The following SLC15A5 variants were observed in gnomAD, a reference collection of about 807,000 sequenced individuals.
SLC15A5 encodes Peptide/histidine transporter ENSP00000340402.
SLC15A5 carries 58 observed loss-of-function variants against 56.1 expected under a neutral mutation model. The ratio of observed to expected loss-of-function variants is 1.03; its 90% CI spans 0.84 to 1.29. SLC15A5 has a LOEUF of 1.29. Ranked by LOEUF, SLC15A5 falls within the 50% of genes most tolerant of loss-of-function variation. The pLI, the probability that SLC15A5 is intolerant of heterozygous loss-of-function variation, is 0.00. For synonymous variants in SLC15A5, 264 were observed against 250.5 expected, an observed-to-expected ratio of 1.05 and a Z score of -0.51; for missense variants, 681 against 672.1, an observed-to-expected ratio of 1.01 and a Z score of -0.15.
At chr12:16,223,321 A>G (rs562433477) in intron 6 of SLC15A5, among the ~76,000 whole-genome samples, 13 of 152,278 alleles carry the variant, frequency 8.5e-5, no homozygotes, top group Non-Finnish European at 1.3e-4. Context: ...GAAGTTATAA[A>G]AATATTATCC....
chr12:16,241,454 C>T (rs973986775), intron 4 of SLC15A5, among the ~76,000 whole-genome samples: 20 of 152,344 alleles, frequency 1.3e-4, no homozygotes, highest in South Asian at 6.2e-4. Context: ...GCCATGTTAA[C>T]TGCGCAAACA....
At chr12:16,248,578 C>A (rs1190370150) in intron 3 of SLC15A5, among the ~76,000 whole-genome samples, 1 of 152,086 alleles carries the variant, frequency 6.6e-6, no homozygotes, top group Admixed American at 6.6e-5. Flanking sequence ...AATCTGTCTA[C>A]CCAAAGGGAG....
At position 16,235,481 on chromosome 12, in the gene SLC15A5, G is replaced by T. The variant is rs951399286; in HGVS notation, c.1162+4200C>A. Among the ~76,000 whole-genome samples the T allele has an allele frequency of 3.3e-5, 5 of 151,754 alleles. No homozygotes were observed. The highest frequency in any genetic ancestry group is 4.8e-5 in the African/African-American group (2 of 41,352). On this transcript the variant is annotated intron_variant, in intron 5 of 8. Coordinates refer to ENST00000344941, the MANE Select transcript of SLC15A5 (RefSeq NM_001170798.1). The surrounding 1 kb of genome is among the most constrained non-coding windows in gnomAD (Gnocchi z 4.1). ...AAATATGCAAATGTATCTCTATAAG[G>T]CATCAGTTATTTGCTTCAGATTGCA... is the stretch of plus-strand genomic sequence containing the variant.
intron 5 of SLC15A5, among the ~76,000 whole-genome samples, chr12:16,231,117 T>A (rs1864293485): frequency 6.6e-6 from 1 of 152,182 alleles, no homozygotes; most frequent in Admixed American, 6.5e-5. Flanking sequence ...AGATAGTGCA[T>A]AATGGTGCAA....
At position 16,196,392 on chromosome 12, in the gene SLC15A5, ATGTG is replaced by A. The variant is rs140194923; in HGVS notation, c.1484-1943_1484-1940del. Among the ~76,000 whole-genome samples the A allele has an allele frequency of 6.6e-6, 1 of 151,206 alleles. No individual in the cohort carries two copies. Among genetic ancestry groups the A allele is most frequent in the Non-Finnish European group, 1.5e-5 (1 of 67,670 alleles). ...TATATGTGTGCTTTTGTGTGTGTGC[ATGTG>A]TGTGTGTGTGCCCGTGCATGTGTGC... On this transcript the variant is annotated intron_variant, in intron 7 of 8. Coordinates refer to ENST00000344941, the MANE Select transcript of SLC15A5 (RefSeq NM_001170798.1). This position sits in a 1 kb window ranked among gnomAD's most constrained non-coding sequence, Gnocchi z 4.0.
chr12:16,223,726 T>A (rs1229884711), intron 6 of SLC15A5, among the ~76,000 whole-genome samples: 2 of 152,072 alleles, frequency 1.3e-5, no homozygotes, highest in Non-Finnish European at 2.9e-5. Context: ...ATGAGCTTTT[T>A]TTTTTTTTGA....
intron 7 of SLC15A5, among the ~76,000 whole-genome samples, chr12:16,203,298 T>G (rs550737880): frequency 6.6e-6 from 1 of 152,250 alleles, no homozygotes; most frequent in Admixed American, 6.5e-5. Context: ...AAAAGAGAGA[T>G]ATTAGGCATT....
intron 7 of SLC15A5, among the ~76,000 whole-genome samples, chr12:16,210,727 C>G (rs1326894651): frequency 6.6e-6 from 1 of 152,132 alleles, no homozygotes; most frequent in African/African-American, 2.4e-5. Flanking sequence ...GAATTGAATT[C>G]AGGTTCATCT....
intron 5 of SLC15A5, among the ~76,000 whole-genome samples, chr12:16,232,961 G>T (rs901152362): frequency 7.6e-6 from 1 of 130,768 alleles, no homozygotes; most frequent in South Asian, 2.9e-4. Context: ...AAGAAAGAAG[G>T]AAAGAAAGAA....
At chr12:16,209,124 T>C (rs1294879616) in intron 7 of SLC15A5, among the ~76,000 whole-genome samples, 1 of 152,078 alleles carries the variant, frequency 6.6e-6, no homozygotes, top group Non-Finnish European at 1.5e-5. Flanking sequence ...GATCATAGTG[T>C]TGCTAAATTT....
intron 4 of SLC15A5, among the ~76,000 whole-genome samples, chr12:16,240,257 G>A (rs1864400217): frequency 2.0e-5 from 3 of 152,006 alleles, no homozygotes; most frequent in South Asian, 4.2e-4. Context: ...TACTAAAGAC[G>A]TCTGTTTTTA....
chr12:16,252,072 C>T (rs1025255724), intron 3 of SLC15A5, among the ~76,000 whole-genome samples: 2 of 152,022 alleles, frequency 1.3e-5, no homozygotes, highest in Admixed American at 6.6e-5. Flanking sequence ...ACATGATCAT[C>T]TCAATGGATG....
intron 4 of SLC15A5, among the ~76,000 whole-genome samples, chr12:16,241,983 A>T (rs1326956468): frequency 1.3e-5 from 2 of 152,184 alleles, no homozygotes; most frequent in Non-Finnish European, 2.9e-5. Context: ...AAAATTTTAA[A>T]TACTTTTATT....
intron 5 of SLC15A5, among the ~76,000 whole-genome samples, chr12:16,233,666 T>C (rs1424638752): frequency 6.6e-6 from 1 of 152,196 alleles, no homozygotes; most frequent in Non-Finnish European, 1.5e-5. Context: ...CTGCTGCCTA[T>C]ACACATGCAT....
intron 7 of SLC15A5, among the ~76,000 whole-genome samples, chr12:16,210,364 C>T (rs1864067863): frequency 6.6e-6 from 1 of 151,974 alleles, no homozygotes; most frequent in Non-Finnish European, 1.5e-5. Flanking sequence ...CTTCTTCTCC[C>T]AATCTCCACC....
chr12:16,251,696 A>G (rs1038908659), intron 3 of SLC15A5, among the ~76,000 whole-genome samples: 1 of 151,942 alleles, frequency 6.6e-6, no homozygotes, highest in Non-Finnish European at 1.5e-5. Flanking sequence ...CCTAACAAAG[A>G]AAAGCCCAGG....
intron 7 of SLC15A5, among the ~76,000 whole-genome samples, chr12:16,214,194 C>T (rs1864109175): frequency 6.6e-6 from 1 of 152,200 alleles, no homozygotes; most frequent in Non-Finnish European, 1.5e-5. Flanking sequence ...TCCTACTATA[C>T]TATATAGATT....
chr12:16,239,774 G>GGCT lies in SLC15A5; in HGVS notation c.1066_1068dup (p.Ser356dup). The GGCT allele has an allele frequency of 6.5e-7, 1 of 1,537,270 alleles. No homozygotes were observed. Among genetic ancestry groups the GGCT allele is most frequent in the Non-Finnish European group, 8.7e-7 (1 of 1,146,898 alleles). ...AAAGGAGCCAGAATTAGTAATGGTA[G>GGCT]GCTGCTGATGGCATTCATTACTGCA... On this transcript the variant is annotated inframe_insertion, in exon 5 of 9. Transcript: ENST00000344941.
chr12:16,238,005 A>G (rs1262894785), intron 5 of SLC15A5, among the ~76,000 whole-genome samples: 1 of 152,192 alleles, frequency 6.6e-6, no homozygotes, highest in Non-Finnish European at 1.5e-5. Context: ...GCACTTTTTA[A>G]GTCTTAAGGA....
Sources: gnomAD v4.1 joint callset for allele counts (sites outside exome capture counted in the v4.1 genomes callset) on GRCh38, gnomAD v4.1.1 for gene constraint, Gnocchi (gnomAD v3.1) non-coding constraint, MANE v1.5 for transcripts, NCBI Gene and HGNC (gene_info 2026-07-23, HGNC 2026-07-21) for gene names.